TMCO4: variants seen among roughly 807,000 people sequenced by gnomAD.
TMCO4 encodes the protein transmembrane and coiled-coil domain-containing protein 4.
A neutral mutation model predicts 64.7 loss-of-function variants in TMCO4; 58 were observed. The observed-to-expected ratio is 0.90, with a 90% CI of 0.73 to 1.12. The LOEUF (loss-of-function observed/expected upper bound fraction) is 1.12. Ranked by LOEUF, TMCO4 falls within the 50% of genes most tolerant of loss-of-function variation. The pLI, the probability that TMCO4 is intolerant of heterozygous loss-of-function variation, is 0.00. For missense variants in TMCO4, 780 were observed against 825.9 expected, an observed-to-expected ratio of 0.94 and a Z score of 0.68; for synonymous variants, 325 against 346.1, an observed-to-expected ratio of 0.94 and a Z score of 0.68.
rs575980616 is a variant in TMCO4 at position 19,790,812 on chromosome 1, A to G, written c.-100-3695T>C. 1.7e-3 allele frequency among the ~76,000 whole-genome samples: 252 copies of G among 152,364 alleles called. 3 individuals are homozygous for G. Among genetic ancestry groups the G allele is most frequent in the Middle Eastern group, 6.8e-3 (2 of 294 alleles). On this transcript the variant is annotated intron_variant, in intron 2 of 15. Transcript: ENST00000294543. ...ACCCAGCAATCTCACTACTGGGTAC[A>G]TACCCAAAGGAATGTAAATCATTCT...
chr1:19,741,745 T>TC (rs1255103737), intron 10 of TMCO4, among the ~76,000 whole-genome samples: 2 of 150,780 alleles, frequency 1.3e-5, no homozygotes, highest in Non-Finnish European at 3.0e-5. Flanking sequence ...TTTCTTTCTT[T>TC]TTTTTTTTTG....
chr1:19,780,567 C>T lies in TMCO4; in HGVS notation c.179+13G>A, dbSNP rs2101069004. On this transcript the variant is annotated intron_variant, in intron 4 of 15. Coordinates refer to ENST00000294543, the MANE Select transcript of TMCO4 (RefSeq NM_181719.7). ...GAAGCATGACCTTCCCACTGCAAGACAGAAGAACTCACCTGTGTTCGGGTT... is the reference window on the plus strand; with the variant it reads ...GAAGCATGACCTTCCCACTGCAAGATAGAAGAACTCACCTGTGTTCGGGTT... 6.3e-7 allele frequency: 1 copy of T among 1,580,486 alleles called. No individual in the cohort carries two copies. Among genetic ancestry groups the T allele is most frequent in the Non-Finnish European group, 8.6e-7 (1 of 1,163,564 alleles).
In TMCO4 at chr1:19,747,212, C is replaced by T. The variant is rs755712271; in HGVS notation, c.564G>A (p.Lys188=). ...RKKKENRRKW[K]RYLLIGLATV... is the part of the protein sequence containing the mutation. Reference sequence around the variant, plus strand: ...TCGCCAGGCCTATCAGGAGATAACGCTTCCATTTCCTCCGGTTTTCTTTCT... The same window carrying T: ...TCGCCAGGCCTATCAGGAGATAACGTTTCCATTTCCTCCGGTTTTCTTTCT... The change falls in exon 8 of 16, where the codon AAG becomes AAA. Residue 188 remains lysine, a synonymous_variant. Transcript: ENST00000294543. 11 of 1,613,992 alleles carry T rather than the reference C, an allele frequency of 6.8e-6. No individual in the cohort carries two copies. In the African/African-American group the frequency reaches 1.3e-4, roughly 20 times the overall value.
At chr1:19,689,508 A>G (rs2095175645) in intron 15 of TMCO4, among the ~76,000 whole-genome samples, 1 of 152,126 alleles carries the variant, frequency 6.6e-6, no homozygotes, top group Admixed American at 6.5e-5. Flanking sequence ...CGTTTCCACC[A>G]TTTCCTAGAT....
intron 10 of TMCO4, among the ~76,000 whole-genome samples, chr1:19,742,510 C>T (rs1357054297): frequency 6.6e-6 from 1 of 152,172 alleles, no homozygotes; most frequent in Non-Finnish European, 1.5e-5. Flanking sequence ...AGCTGCCCCC[C>T]TCCCTCTGGG....
intron 13 of TMCO4, among the ~76,000 whole-genome samples, chr1:19,736,064 A>G (rs1222545064): frequency 6.6e-6 from 1 of 152,186 alleles, no homozygotes; most frequent in African/African-American, 2.4e-5. Context: ...CCCAGGCAGG[A>G]GAGGCAAATG....
Position 19,771,385 on chromosome 1 carries a change from C to T in TMCO4, c.277G>A (p.Gly93Ser), listed in dbSNP as rs1043639969. The T allele has an allele frequency of 2.5e-6, 4 of 1,614,050 alleles. No individual in the cohort carries two copies. The African/African-American group carries it at 5.3e-5, about 22-fold the overall frequency. Reference protein sequence around the residue: ...TMTAFASGLGGEGADVFVQIL... With the variant: ...TMTAFASGLGSEGADVFVQIL... ...TGAACAAACACATCTGCTCCTTCAC[C>T]TCCCAGGCCGCTCGCAAAAGCAGTC... Residue 93 changes from glycine (G) to serine (S), a missense_variant, in exon 5 of 16, where the codon GGT (glycine) becomes AGT (serine). Gly to Ser is a moderately conservative substitution (Grantham distance 56). Transcript: ENST00000294543.
At chr1:19,778,906 T>G (rs539738927) in intron 4 of TMCO4, among the ~76,000 whole-genome samples, 18 of 151,958 alleles carry the variant, frequency 1.2e-4, no homozygotes, top group African/African-American at 3.9e-4. Context: ...GTATGGAGAG[T>G]TCCTGCACAG....
rs1177725711 is a variant in TMCO4, at chr1:19,746,936, A to C, written c.613+227T>G. On this transcript the variant is annotated intron_variant, in intron 8 of 15. Coordinates refer to ENST00000294543, the MANE Select transcript of TMCO4 (RefSeq NM_181719.7). Reference sequence around the variant, plus strand: ...AAGATACTGTCTCAAAAAAAAAAAAAAAAAAAAAACGTGGCTTGATGAGTT... The same window carrying C: ...AAGATACTGTCTCAAAAAAAAAAAACAAAAAAAAACGTGGCTTGATGAGTT... Among the ~76,000 whole-genome samples the C allele has an allele frequency of 2.7e-5, 4 of 150,728 alleles. No individual in the cohort carries two copies. In the East Asian group the frequency reaches 7.8e-4, roughly 29 times the overall value.
chr1:19,747,267 G>C lies in TMCO4; in HGVS notation c.516-7C>G, dbSNP rs183471678. 53 of 1,612,318 alleles carry C rather than the reference G, an allele frequency of 3.3e-5. No individual in the cohort carries two copies. The highest frequency in any genetic ancestry group is 8.5e-7 in the Non-Finnish European group (1 of 1,179,462). On this transcript the variant is annotated splice_polypyrimidine_tract_variant and splice_region_variant and intron_variant, in intron 7 of 15. Transcript: ENST00000294543. ...TCGGGATGCCTCGGCCATTCTGAGG[G>C]AAAAGAGGCTGGTCTTTAGGGCCAG...
chr1:19,727,769 G>T (rs2095414776), intron 13 of TMCO4, among the ~76,000 whole-genome samples: 1 of 152,198 alleles, frequency 6.6e-6, no homozygotes. Context: ...GTTCACTGCA[G>T]CACTATTCAC....
chr1:19,695,202 G>A (rs957520439), intron 14 of TMCO4, among the ~76,000 whole-genome samples: 2 of 152,196 alleles, frequency 1.3e-5, no homozygotes, highest in Admixed American at 6.5e-5. Context: ...CCCACTCCGT[G>A]AACCTGGCCC....
At chr1:19,783,872 G>A (rs908651644) in intron 3 of TMCO4, among the ~76,000 whole-genome samples, 1 of 152,216 alleles carries the variant, frequency 6.6e-6, no homozygotes, top group African/African-American at 2.4e-5. Context: ...GGCCTCAATG[G>A]TTGCTCTAGG....
chr1:19,757,680 A>G (rs1226396347), intron 6 of TMCO4, among the ~76,000 whole-genome samples: 3 of 151,128 alleles, frequency 2.0e-5, no homozygotes, highest in Non-Finnish European at 4.4e-5. Flanking sequence ...GCTTACACAG[A>G]CCTCTCTCTC....
At chr1:19,740,981 G>A (rs1274085956) in intron 10 of TMCO4, 40 bp from the exon 11 acceptor site, 1 of 1,551,928 alleles carries the variant, frequency 6.4e-7, no homozygotes, top group African/African-American at 1.4e-5. Flanking sequence ...TCTTGTCTAT[G>A]GCAGAGGATG....
chr1:19,729,213 A>C (rs564201798), intron 13 of TMCO4, among the ~76,000 whole-genome samples: 8 of 151,900 alleles, frequency 5.3e-5, no homozygotes, highest in Admixed American at 1.3e-4. Context: ...ACAGTGGCCC[A>C]ATCTCGGCTC....
intron 6 of TMCO4, among the ~76,000 whole-genome samples, chr1:19,756,903 C>G (rs1029055138): frequency 6.6e-6 from 1 of 151,978 alleles, no homozygotes; most frequent in African/African-American, 2.4e-5. Flanking sequence ...AAAATAAATG[C>G]TTATATAATG....
At chr1:19,741,754 T>TTTA (rs2095480350) in intron 10 of TMCO4, among the ~76,000 whole-genome samples, 2 of 150,852 alleles carry the variant, frequency 1.3e-5, no homozygotes, top group Admixed American at 6.6e-5. Flanking sequence ...TTTTTTTTTT[T>TTTA]GAGACAGAGT....
At chr1:19,685,990 G>A (rs1409707136) in intron 15 of TMCO4, among the ~76,000 whole-genome samples, 1 of 152,156 alleles carries the variant, frequency 6.6e-6, no homozygotes, top group African/African-American at 2.4e-5. Flanking sequence ...GCCTCCCAAA[G>A]TGCTGGGATT....
Sources: gnomAD v4.1 joint callset for allele counts (sites outside exome capture counted in the v4.1 genomes callset) on GRCh38, gnomAD v4.1.1 for gene constraint, MANE v1.5 for transcripts, NCBI Gene and HGNC (gene_info 2026-07-23, HGNC 2026-07-21) for gene names.